Variants in MYCBP2 observed in about 807,000 individuals in gnomAD.
The protein encoded by MYCBP2 is E3 ubiquitin-protein ligase MYCBP2.
MYCBP2 carries 120 observed loss-of-function variants against 525.3 expected under a neutral mutation model. The observed-to-expected ratio is 0.23, with a 90% confidence interval of 0.20 to 0.27. The LOEUF is 0.27. Among genes scored for constraint, MYCBP2 ranks in the 10% least tolerant of loss-of-function variants. MYCBP2 has a pLI of 1.00. For synonymous variants in MYCBP2, 1,894 were observed against 1,955.8 expected, an observed-to-expected ratio of 0.97 and a Z score of 0.83; for missense variants, 4,149 against 5,657.1, an observed-to-expected ratio of 0.73 and a Z score of 8.55.
chr13:77,111,295 C>T (rs951455200), intron 55 of MYCBP2, among the ~76,000 whole-genome samples: 1 of 152,118 alleles, frequency 6.6e-6, no homozygotes, highest in Admixed American at 6.6e-5. Context: ...GGAGCTAAGT[C>T]ATCCAACCGA....
intron 30 of MYCBP2, among the ~76,000 whole-genome samples, chr13:77,186,802 A>ATTTTTT (rs5804893): frequency 1.7e-5 from 2 of 120,464 alleles, no homozygotes; most frequent in Non-Finnish European, 3.4e-5. Flanking sequence ...TATAGATTCA[A>ATTTTTT]TTTTTTTTTT....
chr13:77,096,340 C>T lies in MYCBP2; in HGVS notation c.9926G>A (p.Arg3309His), dbSNP rs2046257611. Residue 3309 changes from arginine (R) to histidine (H), a missense_variant, in exon 57 of 83, where the codon CGC becomes CAC. Physicochemically the swap from Arg to His is conservative, Grantham distance 29. Around this residue, in one of 21 missense-constraint regions of MYCBP2, gnomAD observed 509 missense variants for 789.4 expected, o/e 0.64. Transcript: ENST00000544440. ...CTCCCTTGCAGCAGCCTGTTTTTCG[C>T]GGAGGTATTTTTCTCTACAGCGATC... is the stretch of plus-strand genomic sequence containing the variant. ...VCDRCREKYL[R>H]EKQAAAREKV... 3.7e-6 allele frequency: 6 copies of T among 1,613,034 alleles called. No individual in the cohort carries two copies. The highest frequency in any genetic ancestry group is 2.2e-5 in the East Asian group (1 of 44,836).
chr13:77,115,941 T>A lies in MYCBP2; in HGVS notation c.8140+5432A>T, dbSNP rs563206484. Among the ~76,000 whole-genome samples, 267 of 151,624 alleles carry A rather than the reference T, an allele frequency of 1.8e-3. 1 individual carries two copies. The highest frequency in any genetic ancestry group is 3.4e-3 in the Middle Eastern group (1 of 294). On this transcript the variant is annotated intron_variant, in intron 55 of 82. Transcript: ENST00000544440. ...ACCTAGTTTAAATATAAATTAAAAA[T>A]ATATATATATTAAAGTAGATTTTGC...
rs398023536 is a variant in MYCBP2, at chr13:77,326,240, GACACACAC to G, written c.302+226_302+233del. Reference sequence around the variant, plus strand: ...CACTATCCCCCCACATAGGCAGGCAGACACACACACACACACACACACACACACACACA... The same window carrying G: ...CACTATCCCCCCACATAGGCAGGCAGACACACACACACACACACACACACA... On this transcript the variant is annotated intron_variant, in intron 1 of 82. Transcript: ENST00000544440. The surrounding 1 kb of genome is among the most constrained non-coding windows in gnomAD (Gnocchi z 4.2). 3.5e-3 allele frequency among the ~76,000 whole-genome samples: 444 copies of G among 127,872 alleles called. 4 individuals carry two copies. Among genetic ancestry groups the G allele is most frequent in the South Asian group, 0.012 (43 of 3,554 alleles). The allele number at this position is 127,872 out of a possible 152,430, so 83.9% of individuals were successfully genotyped here. A position where few individuals can be genotyped will look rare whatever the true frequency, so the allele number is the denominator to read the frequency against.
chr13:77,127,278 A>G (rs1302311266), intron 52 of MYCBP2, among the ~76,000 whole-genome samples: 1 of 151,978 alleles, frequency 6.6e-6, no homozygotes, highest in African/African-American at 2.4e-5. Flanking sequence ...AGTAAATATA[A>G]CGTAAATTTA....
chr13:77,177,562 T>C lies in MYCBP2; in HGVS notation c.5340+186A>G, dbSNP rs370686035. Among the ~76,000 whole-genome samples the C allele has an allele frequency of 3.9e-5, 6 of 152,176 alleles. No homozygotes were observed. In the East Asian group the frequency reaches 1.2e-3, roughly 29 times the overall value. ...GCCTTGAACTCCTGTGCTCAAGTCA[T>C]CCAACTGCCTCAGCCTCTCAAAGAG... is the stretch of plus-strand genomic sequence containing the variant. On this transcript the variant is annotated intron_variant, in intron 35 of 82. Coordinates refer to ENST00000544440, the MANE Select transcript of MYCBP2 (RefSeq NM_015057.5).
chr13:77,191,877 T>G, intron 27 of MYCBP2, 64 bp from the exon 28 acceptor site: 2 of 1,513,196 alleles, frequency 1.3e-6, no homozygotes, highest in East Asian at 4.7e-5. Flanking sequence ...ATATTTATTT[T>G]TTCAAAATCC....
intron 28 of MYCBP2, 134 bp from the exon 29 acceptor site, chr13:77,190,469 T>C: frequency 3.4e-6 from 2 of 581,470 alleles, no homozygotes; most frequent in Non-Finnish European, 3.0e-6. Context: ...AAAAAGGTAT[T>C]TTCTAGATTT....
In MYCBP2 at chr13:77,140,881, A is replaced by G. The variant is rs1392594874; in HGVS notation, c.7366T>C (p.Leu2456=). 2.5e-6 allele frequency: 4 copies of G among 1,613,104 alleles called. No homozygotes were observed. Among genetic ancestry groups the G allele is most frequent in the Admixed American group, 1.7e-5 (1 of 59,742 alleles). The change falls in exon 50 of 83, where the codon TTG becomes CTG. Residue 2456 remains leucine, a synonymous_variant. Coordinates refer to ENST00000544440, the MANE Select transcript of MYCBP2 (RefSeq NM_015057.5). ...TGAGGTTCAGACTTTGGTTTGACCAACTGAGTTCCTGGTGGTATCATCCCT... is the reference window on the plus strand; with the variant it reads ...TGAGGTTCAGACTTTGGTTTGACCAGCTGAGTTCCTGGTGGTATCATCCCT... ...PKGMIPPGTQ[L]VKPKSEPQPN... is the part of the protein sequence containing the mutation.
At chr13:77,063,018 T>G (rs1440283615) in intron 73 of MYCBP2, among the ~76,000 whole-genome samples, 1 of 152,234 alleles carries the variant, frequency 6.6e-6, no homozygotes, top group African/African-American at 2.4e-5. Context: ...ATTGGCATAT[T>G]TAATATTTAC....
At chr13:77,194,130 T>C (rs765166068) in intron 27 of MYCBP2, 23 bp downstream of exon 27, 9 of 1,505,482 alleles carry the variant, frequency 6.0e-6, no homozygotes, top group Non-Finnish European at 8.2e-6. Flanking sequence ...AGAGTTACAA[T>C]GAATAATGCA....
chr13:77,184,010 TTTA>T (rs1427269244), intron 32 of MYCBP2, among the ~76,000 whole-genome samples: 1 of 152,196 alleles, frequency 6.6e-6, no homozygotes, highest in Non-Finnish European at 1.5e-5. Context: ...TGCTCTTATC[TTTA>T]TTATTTCCTT....
intron 2 of MYCBP2, among the ~76,000 whole-genome samples, chr13:77,292,957 T>TGA (rs1567178451): frequency 1.7e-5 from 1 of 58,642 alleles, no homozygotes; most frequent in African/African-American, 6.8e-5. Context: ...AGACTCCGTC[T>TGA]CAAAAAAAAA....
intron 55 of MYCBP2, among the ~76,000 whole-genome samples, chr13:77,114,316 G>A (rs1484906480): frequency 6.6e-6 from 1 of 152,014 alleles, no homozygotes; most frequent in East Asian, 1.9e-4. Flanking sequence ...AAGCATGAGA[G>A]GTATTAAGTA....
rs560912204 is a variant in MYCBP2 at position 77,070,637 on chromosome 13, T to C, written c.11898A>G (p.Gln3966=). ...GAAATAGCTGTTAACCAACCTGTTT[T>C]TGTAAGTTAGTCAGCTTACTCCTGC... The part of the protein sequence containing the change: ...IFSRSKLTNL[Q]KQVCAHIVQA... The change falls in exon 69 of 83, where the codon CAA becomes CAG. Residue 3966 remains glutamine (Q), a synonymous_variant. Coordinates refer to ENST00000544440, the MANE Select transcript of MYCBP2 (RefSeq NM_015057.5). 6.2e-7 allele frequency: 1 copy of C among 1,607,790 alleles called. No individual in the cohort carries two copies. Among genetic ancestry groups the C allele is most frequent in the South Asian group, 1.1e-5 (1 of 90,264 alleles).
intron 39 of MYCBP2, 21 bp from the exon 40 acceptor site, chr13:77,168,667 T>C (rs761243305): frequency 2.5e-6 from 4 of 1,606,756 alleles, no homozygotes; most frequent in Admixed American, 3.3e-5. Flanking sequence ...TATAAAAATA[T>C]GGTTAAATGA....
chr13:77,057,140 A>G, intron 78 of MYCBP2, 47 bp from the exon 79 acceptor site: 1 of 1,328,002 alleles, frequency 7.5e-7, no homozygotes, highest in Non-Finnish European at 1.1e-6. Context: ...AATAATGATA[A>G]ACAGTTGAGT....
At chr13:77,093,762 A>C (rs533034491) in intron 58 of MYCBP2, among the ~76,000 whole-genome samples, 1 of 152,192 alleles carries the variant, frequency 6.6e-6, no homozygotes, top group South Asian at 2.1e-4. Context: ...CATGCTTATT[A>C]TTTCTTGCAC....
chr13:77,288,910 C>A (rs531471082), intron 2 of MYCBP2, among the ~76,000 whole-genome samples: 1 of 152,246 alleles, frequency 6.6e-6, no homozygotes, highest in East Asian at 1.9e-4. Context: ...CTTCCCTAAG[C>A]TCTCTCTCAC....
Sources: allele counts gnomAD v4.1 joint callset (sites outside exome capture counted in the v4.1 genomes callset), GRCh38; gene constraint gnomAD v4.1.1; regional missense constraint gnomAD v4.1.1; non-coding constraint Gnocchi (gnomAD v3.1); transcripts MANE v1.5; gene names NCBI Gene and HGNC (gene_info 2026-07-23, HGNC 2026-07-21).